MED12L: variants seen among roughly 807,000 people sequenced by gnomAD.
The protein encoded by MED12L is mediator complex subunit 12L.
Under a neutral mutation model 281.3 loss-of-function variants are expected in MED12L, and 60 were observed. That is an observed-to-expected ratio of 0.21 (90% confidence interval 0.17 to 0.26). MED12L has a LOEUF of 0.26. MED12L is among the 10% of genes least tolerant of loss of function. The pLI is 1.00. For synonymous variants in MED12L, 974 were observed against 987.2 expected, an observed-to-expected ratio of 0.99 and a Z score of 0.25; for missense variants, 2,146 against 2,680.9, an observed-to-expected ratio of 0.80 and a Z score of 4.41.
intron 16 of MED12L, among the ~76,000 whole-genome samples, chr3:151,251,168 A>G (rs1305254667): frequency 2.0e-5 from 3 of 152,066 alleles, no homozygotes; most frequent in Non-Finnish European, 4.4e-5. Context: ...CTGCCCTGTT[A>G]GCACTTGTGA....
chr3:151,105,627 T>C (rs1353753188), intron 2 of MED12L, among the ~76,000 whole-genome samples: 4 of 152,306 alleles, frequency 2.6e-5, no homozygotes, highest in East Asian at 1.9e-4. Flanking sequence ...TAACTGGCTA[T>C]TAAATCAATA....
chr3:151,252,119 C>T (rs1736970969), intron 16 of MED12L, among the ~76,000 whole-genome samples: 1 of 152,134 alleles, frequency 6.6e-6, no homozygotes, highest in Admixed American at 6.6e-5. Context: ...CCATCCCCTC[C>T]CTCCCTATGC....
chr3:151,387,197 A>G (rs529741447), intron 36 of MED12L, among the ~76,000 whole-genome samples: 205 of 126,628 alleles, frequency 1.6e-3, no homozygotes, highest in African/African-American at 5.4e-3. Flanking sequence ...AAAGAGGGTA[A>G]CCGTTTTTTT....
intron 16 of MED12L, chr3:151,327,734 TAAAAA>T (rs63497161): frequency 2.0e-5 from 5 of 252,552 alleles, no homozygotes; most frequent in Non-Finnish European, 2.9e-5. Flanking sequence ...CTCTTGAAAT[TAAAAA>T]AAAAAAAAAA....
chr3:151,392,221 T>C (rs1714330840), intron 38 of MED12L, among the ~76,000 whole-genome samples: 1 of 152,146 alleles, frequency 6.6e-6, no homozygotes, highest in Admixed American at 6.6e-5. Flanking sequence ...CCCAGCACTT[T>C]GGGAGGCCAA....
chr3:151,430,271 T>A, intron 43 of MED12L, 28 bp from the exon 44 acceptor site: 1 of 1,613,804 alleles, frequency 6.2e-7, no homozygotes, highest in African/African-American at 1.3e-5. Context: ...TGGAATGATT[T>A]CTGTCCTTTC....
Position 151,372,837 on chromosome 3 carries a change from T to C in MED12L, c.3864+71T>C, listed in dbSNP as rs940359767. The stretch of plus-strand genomic sequence containing the variant: ...TTTTGGAGAGAGCTACTTACACTTA[T>C]AGGAAACTTGTGCATAGGTGGGCCT... On this transcript the variant is annotated intron_variant, in intron 27 of 44. Transcript: ENST00000687756. 1.9e-5 allele frequency: 24 copies of C among 1,269,124 alleles called. No homozygotes were observed. The Admixed American group carries it at 2.3e-4, about 12-fold the overall frequency. 78.6% of individuals were successfully genotyped at this position (1,269,124 alleles called of 1,614,324 possible). A position where few individuals can be genotyped will look rare whatever the true frequency, so the allele number is the denominator to read the frequency against.
intron 16 of MED12L, among the ~76,000 whole-genome samples, chr3:151,242,187 C>T (rs182307274): frequency 7.2e-5 from 11 of 152,258 alleles, no homozygotes; most frequent in South Asian, 2.1e-4. Flanking sequence ...GGCAGCAACA[C>T]GGCTGGGGGA....
rs111975495 is a variant in MED12L at position 151,378,477 on chromosome 3, A to G, written c.4478+304A>G. Among the ~76,000 whole-genome samples the G allele has an allele frequency of 5.9e-3, 890 of 152,028 alleles. 8 individuals are homozygous for G. Among genetic ancestry groups the G allele is most frequent in the South Asian group, 0.023 (109 of 4,818 alleles). Reference sequence around the variant, plus strand: ...ATCTGGATAGCTACCTGATCCCTGTATTTTATTTTTAATTATTTCTATTTT... The same window carrying G: ...ATCTGGATAGCTACCTGATCCCTGTGTTTTATTTTTAATTATTTCTATTTT... On this transcript the variant is annotated intron_variant, in intron 31 of 44. Transcript: ENST00000687756.
chr3:151,184,231 T>C (rs1000095363), intron 11 of MED12L, among the ~76,000 whole-genome samples: 1 of 152,246 alleles, frequency 6.6e-6, no homozygotes, highest in East Asian at 1.9e-4. Context: ...CTGAATTGTT[T>C]GCTAGCATCT....
At chr3:151,086,007 G>A (rs1254838268) in intron 1 of MED12L, 71 bp downstream of exon 1, 1 of 152,374 alleles carries the variant, frequency 6.6e-6, no homozygotes, top group Non-Finnish European at 1.5e-5. Flanking sequence ...GGCTGGAGGA[G>A]CCCGAGACGC....
chr3:151,227,482 T>G (rs766597392), intron 16 of MED12L, among the ~76,000 whole-genome samples: 3 of 152,210 alleles, frequency 2.0e-5, no homozygotes, highest in Non-Finnish European at 4.4e-5. Context: ...TACTTTGTAT[T>G]CTAATCGCTT....
At chr3:151,282,954 A>C (rs1388798523) in intron 16 of MED12L, among the ~76,000 whole-genome samples, 1 of 152,244 alleles carries the variant, frequency 6.6e-6, no homozygotes, top group Non-Finnish European at 1.5e-5. Flanking sequence ...AGGGGGCAGA[A>C]ATTACATCAT....
chr3:151,372,928 TAAA>T (rs917127241), intron 27 of MED12L, among the ~76,000 whole-genome samples, 162 bp downstream of exon 27: 1 of 152,224 alleles, frequency 6.6e-6, no homozygotes, highest in African/African-American at 2.4e-5. Flanking sequence ...GAATTATTTT[TAAA>T]AAACTCATGT....
intron 16 of MED12L, among the ~76,000 whole-genome samples, chr3:151,264,101 C>T (rs987023319): frequency 6.6e-6 from 1 of 152,194 alleles, no homozygotes; most frequent in Non-Finnish European, 1.5e-5. Flanking sequence ...AGAAAAGAAT[C>T]ATAACCATTT....
Position 151,127,971 on chromosome 3 carries a change from T to G in MED12L, c.543T>G (p.Pro181=). The G allele has an allele frequency of 6.2e-7, 1 of 1,610,934 alleles. No homozygotes were observed. Among genetic ancestry groups the G allele is most frequent in the Non-Finnish European group, 8.5e-7 (1 of 1,179,126 alleles). The stretch of plus-strand genomic sequence containing the variant: ...CTAAAATTAAGAAACGTCAGGCTCC[T>G]GATCCGAATTTGGGTAAGTGAGAGA... ...SEAKIKKRQA[P]DPNLEWTQIS... Residue 181 remains proline, a synonymous_variant, in exon 5 of 45, where the codon CCT becomes CCG. Coordinates refer to ENST00000687756, the MANE Select transcript of MED12L (RefSeq NM_001393769.1).
intron 16 of MED12L, among the ~76,000 whole-genome samples, chr3:151,248,365 A>G (rs1169984686): frequency 1.3e-5 from 2 of 152,174 alleles, no homozygotes; most frequent in Non-Finnish European, 2.9e-5. Context: ...GCTGCCTTGC[A>G]TGAAGTATTT....
chr3:151,089,694 A>G (rs993201558), intron 2 of MED12L, among the ~76,000 whole-genome samples: 6 of 151,770 alleles, frequency 4.0e-5, no homozygotes, highest in Admixed American at 1.3e-4. Context: ...CGGGGGGGAG[A>G]ATATGGAAGC....
At position 151,085,923 on chromosome 3, in the gene MED12L, C is replaced by A. The variant is rs1454390193; in HGVS notation, c.-143C>A. 6 of 152,124 alleles carry A rather than the reference C, an allele frequency of 3.9e-5. No individual in the cohort carries two copies. The highest frequency in any genetic ancestry group is 7.4e-5 in the Non-Finnish European group (5 of 68,020). 9.4% of individuals were successfully genotyped at this position (152,124 alleles called of 1,614,324 possible). ...GCCGCCGCCAGCCCCAGCCCGCTAG[C>A]CGCGGACCAACAGGTAAAGTGTTGG... On this transcript the variant is annotated 5_prime_UTR_variant, in exon 1 of 45. Transcript: ENST00000687756.
Sources: allele counts gnomAD v4.1 joint callset (sites outside exome capture counted in the v4.1 genomes callset), GRCh38; gene constraint gnomAD v4.1.1; transcripts MANE v1.5; gene names NCBI Gene and HGNC (gene_info 2026-07-23, HGNC 2026-07-21).